The following MPPED2 variants were observed in gnomAD, a reference collection of about 807,000 sequenced individuals.
The protein encoded by MPPED2 is metallophosphoesterase domain containing 2.
A neutral mutation model predicts 33.0 loss-of-function variants in MPPED2; 5 were observed. The observed-to-expected ratio is 0.15, with a 90% CI of 0.08 to 0.32. MPPED2 has a LOEUF of 0.32. Among genes scored for constraint, MPPED2 ranks in the 10% least tolerant of loss-of-function variants. The probability of loss-of-function intolerance (pLI) is 1.00; values close to 1 mark genes in which losing one functional copy is unlikely to be tolerated. For synonymous variants in MPPED2, 136 were observed against 141.9 expected, an observed-to-expected ratio of 0.96 and a Z score of 0.29; for missense variants, 275 against 372.1, an observed-to-expected ratio of 0.74 and a Z score of 2.15.
intron 4 of MPPED2, among the ~76,000 whole-genome samples, chr11:30,456,290 T>C (rs1271668648): frequency 6.6e-6 from 1 of 152,174 alleles, no homozygotes; most frequent in East Asian, 1.9e-4. Context: ...TAGATGGATG[T>C]GGGTTCAAAG....
Position 30,414,335 on chromosome 11 carries a change from C to A in MPPED2, c.659G>T (p.Arg220Leu), listed in dbSNP as rs758267724. Residue 220 changes from arginine to leucine, a missense_variant, in exon 6 of 7, where the codon CGA becomes CTA. Physicochemically the swap from Arg to Leu is moderately radical, Grantham distance 102. Transcript: ENST00000358117. The stretch of plus-strand genomic sequence containing the variant: ...TTGAAGCTCCTTTGGAACCCAGTCT[C>A]GAAAACCTAAGGGCAAAATGCAATC... ...LMTHGPPLGF[R>L]DWVPKELQRV... The A allele has an allele frequency of 6.2e-7, 1 of 1,611,876 alleles. No individual in the cohort carries two copies. The highest frequency in any genetic ancestry group is 8.5e-7 in the Non-Finnish European group (1 of 1,177,992).
At chr11:30,583,456 C>A (rs534336903) in intron 1 of MPPED2, among the ~76,000 whole-genome samples, 1 of 152,240 alleles carries the variant, frequency 6.6e-6, no homozygotes, top group South Asian at 2.1e-4. Context: ...GACGAAATAT[C>A]AAGAAGCCGA....
At chr11:30,562,838 A>C (rs935638242) in intron 2 of MPPED2, among the ~76,000 whole-genome samples, 1 of 152,140 alleles carries the variant, frequency 6.6e-6, no homozygotes, top group Admixed American at 6.6e-5. Context: ...TTCTATTACC[A>C]ATAATGCACA....
At chr11:30,472,211 A>G (rs1174854682) in intron 4 of MPPED2, among the ~76,000 whole-genome samples, 2 of 152,034 alleles carry the variant, frequency 1.3e-5, no homozygotes, top group East Asian at 1.9e-4. Flanking sequence ...AAACTAAAAA[A>G]CCAGCCAGAG....
At position 30,461,536 on chromosome 11, in the gene MPPED2, C is replaced by T. The variant is rs1330471684; in HGVS notation, c.536+33760G>A. On this transcript the variant is annotated intron_variant, in intron 4 of 6. Coordinates refer to ENST00000358117, the MANE Select transcript of MPPED2 (RefSeq NM_001584.3). ...ACCCTTGCTCGAGTGGAAAGCACTCCGTAGCTGCTGTGACTCAAACTACAA... is the reference window on the plus strand; with the variant it reads ...ACCCTTGCTCGAGTGGAAAGCACTCTGTAGCTGCTGTGACTCAAACTACAA... Among the ~76,000 whole-genome samples, 5 of 152,170 alleles carry T rather than the reference C, an allele frequency of 3.3e-5. No individual in the cohort carries two copies. The South Asian group carries it at 6.2e-4, about 19-fold the overall frequency.
chr11:30,574,924 G>A (rs1190120327), intron 2 of MPPED2, among the ~76,000 whole-genome samples: 1 of 152,108 alleles, frequency 6.6e-6, no homozygotes. Context: ...AAAATCACCA[G>A]TAATGTTATT....
At chr11:30,565,764 C>G (rs755815008) in intron 2 of MPPED2, among the ~76,000 whole-genome samples, 2 of 152,102 alleles carry the variant, frequency 1.3e-5, no homozygotes, top group Non-Finnish European at 2.9e-5. Context: ...TTTTCTTAAG[C>G]CTGGCAGTTT....
At chr11:30,546,329 CA>C (rs969879377) in intron 2 of MPPED2, among the ~76,000 whole-genome samples, 1 of 152,146 alleles carries the variant, frequency 6.6e-6, no homozygotes, top group African/African-American at 2.4e-5. Context: ...TAAGAGCCAT[CA>C]AACACACGAG....
intron 3 of MPPED2, among the ~76,000 whole-genome samples, chr11:30,515,881 G>T (rs1422684549): frequency 6.6e-6 from 1 of 152,094 alleles, no homozygotes; most frequent in African/African-American, 2.4e-5. Context: ...ACTTAGTATT[G>T]GAGATATTCC....
intron 2 of MPPED2, among the ~76,000 whole-genome samples, chr11:30,540,851 G>A (rs370401574): frequency 2.1e-4 from 32 of 152,186 alleles, no homozygotes; most frequent in African/African-American, 7.5e-4. Flanking sequence ...TATAATCCCC[G>A]GAAATCATCT....
chr11:30,518,687 CT>C (rs1180946499), intron 3 of MPPED2, among the ~76,000 whole-genome samples: 1 of 152,226 alleles, frequency 6.6e-6, no homozygotes, highest in East Asian at 1.9e-4. Context: ...CGTTAGCTGA[CT>C]TTTTTGATGA....
chr11:30,504,788 A>G (rs749489465), intron 3 of MPPED2: 1 of 1,289,096 alleles, frequency 7.8e-7, no homozygotes, highest in Non-Finnish European at 1.0e-6. Context: ...CTCCTCTGAA[A>G]CTCATGCATT....
intron 2 of MPPED2, among the ~76,000 whole-genome samples, chr11:30,557,315 G>A (rs963538596): frequency 6.6e-6 from 1 of 150,554 alleles, no homozygotes; most frequent in Non-Finnish European, 1.5e-5. Flanking sequence ...CTTAACTGGA[G>A]ATATCAATTA....
At chr11:30,538,317 G>A (rs955370713) in intron 2 of MPPED2, among the ~76,000 whole-genome samples, 1 of 152,080 alleles carries the variant, frequency 6.6e-6, no homozygotes, top group Non-Finnish European at 1.5e-5. Flanking sequence ...TCCTTTGGGA[G>A]GTCATCTCAG....
At chr11:30,417,664 G>T in intron 4 of MPPED2, 31 bp from the exon 5 acceptor site, 2 of 1,266,516 alleles carry the variant, frequency 1.6e-6, no homozygotes, top group African/African-American at 1.5e-5. Flanking sequence ...ATGGTATCAG[G>T]CCAGCAGAGC....
At chr11:30,539,401 T>C (rs1470164102) in intron 2 of MPPED2, among the ~76,000 whole-genome samples, 3 of 152,128 alleles carry the variant, frequency 2.0e-5, no homozygotes, top group Non-Finnish European at 4.4e-5. Flanking sequence ...CAGATTCAAA[T>C]ATTAGAGTGA....
intron 2 of MPPED2, among the ~76,000 whole-genome samples, chr11:30,565,481 T>C (rs1053945081): frequency 7.2e-5 from 11 of 152,040 alleles, no homozygotes; most frequent in Non-Finnish European, 2.9e-5. Flanking sequence ...AAGACGTAGG[T>C]CCATCAGAGC....
At chr11:30,465,178 T>C (rs1311638581) in intron 4 of MPPED2, among the ~76,000 whole-genome samples, 2 of 152,210 alleles carry the variant, frequency 1.3e-5, no homozygotes, top group East Asian at 3.8e-4. Flanking sequence ...CATGTAGATA[T>C]GGTAAGCTGG....
At chr11:30,428,774 G>A (rs1050047832) in intron 4 of MPPED2, among the ~76,000 whole-genome samples, 1 of 152,104 alleles carries the variant, frequency 6.6e-6, no homozygotes, top group Admixed American at 6.5e-5. Context: ...GATTAAATGT[G>A]ATAATATATG....
Sources: allele counts gnomAD v4.1 joint callset (sites outside exome capture counted in the v4.1 genomes callset), GRCh38; gene constraint gnomAD v4.1.1; transcripts MANE v1.5; gene names NCBI Gene and HGNC (gene_info 2026-07-23, HGNC 2026-07-21).